Variants in FAT3 observed in about 807,000 individuals in gnomAD.
FAT3 encodes FAT atypical cadherin 3.
A neutral mutation model predicts 310.2 loss-of-function variants in FAT3; 95 were observed. That is an observed-to-expected ratio of 0.31 (90% CI 0.26 to 0.36). The LOEUF is 0.36. FAT3 is among the 10% of genes least tolerant of loss of function. The pLI is 1.00. For missense variants in FAT3, 5,408 were observed against 5,715.6 expected, an observed-to-expected ratio of 0.95 and a Z score of 1.74; for synonymous variants, 2,314 against 2,192.9, an observed-to-expected ratio of 1.06 and a Z score of -1.54.
At chr11:92,654,847 A>G (rs112271290) in intron 3 of FAT3, among the ~76,000 whole-genome samples, 13 of 152,268 alleles carry the variant, frequency 8.5e-5, no homozygotes, top group African/African-American at 2.9e-4. Context: ...ATCACCCAAC[A>G]ACAACTTCCT....
chr11:92,279,796 T>A (rs1306382048), intron 1 of FAT3, among the ~76,000 whole-genome samples: 2 of 152,150 alleles, frequency 1.3e-5, no homozygotes, highest in South Asian at 2.1e-4. Flanking sequence ...ACCTTCTGAC[T>A]GTATATTTGT....
At chr11:92,610,305 A>AT (rs1415057911) in intron 3 of FAT3, among the ~76,000 whole-genome samples, 1 of 152,166 alleles carries the variant, frequency 6.6e-6, no homozygotes, top group Non-Finnish European at 1.5e-5. Context: ...TTCTTTTTAA[A>AT]TTTTTTAGAC....
rs186145607 is a variant in FAT3, at chr11:92,894,943, C to T, written c.*3830C>T. 1 of 152,190 alleles carries T rather than the reference C, an allele frequency of 6.6e-6. No individual in the cohort carries two copies. Among genetic ancestry groups the T allele is most frequent in the African/African-American group, 2.4e-5 (1 of 41,442 alleles). The allele number at this position is 152,190 out of a possible 1,614,324, so 9.4% of individuals were successfully genotyped here. A position where few individuals can be genotyped will look rare whatever the true frequency, so the allele number is the denominator to read the frequency against. On this transcript the variant is annotated 3_prime_UTR_variant, in exon 28 of 28. Transcript: ENST00000525166. ...CTACTTACTTCCCACCCCACCCTAT[C>T]CACTACCCCCACTGATGCTATGTTT...
At chr11:92,646,312 T>C (rs924762791) in intron 3 of FAT3, among the ~76,000 whole-genome samples, 5 of 152,216 alleles carry the variant, frequency 3.3e-5, no homozygotes, top group African/African-American at 1.2e-4. Flanking sequence ...TGGCTTAGAA[T>C]TTCTACAACA....
chr11:92,637,409 C>T (rs1941803485), intron 3 of FAT3, among the ~76,000 whole-genome samples: 1 of 152,172 alleles, frequency 6.6e-6, no homozygotes, highest in Admixed American at 6.5e-5. Context: ...TTCATTTTTG[C>T]ACCATTTGTT....
chr11:92,275,326 C>T (rs963391169), intron 1 of FAT3, among the ~76,000 whole-genome samples: 1 of 152,066 alleles, frequency 6.6e-6, no homozygotes, highest in Admixed American at 6.6e-5. Context: ...TTACATTTAA[C>T]ACCTTTACCA....
chr11:92,480,987 A>G (rs1336586643), intron 2 of FAT3, among the ~76,000 whole-genome samples: 3 of 152,234 alleles, frequency 2.0e-5, no homozygotes, highest in Non-Finnish European at 4.4e-5. Context: ...TATAAATGAA[A>G]AGGTATCGTT....
Position 92,801,622 on chromosome 11 carries a change from G to C in FAT3, c.8609G>C (p.Ser2870Thr), listed in dbSNP as rs1219977395. Residue 2870 changes from serine (S) to threonine (T), a missense_variant, in exon 10 of 28, where the codon AGC becomes ACC. Ser to Thr is a moderately conservative substitution (Grantham distance 58). Coordinates refer to ENST00000525166, the MANE Select transcript of FAT3 (RefSeq NM_001367949.2). The part of the protein sequence containing the change: ...EKVMEAFNID[S>T]NTGWISTLKD... ...GTAATGGAAGCATTCAATATTGACA[G>C]CAACACGGGCTGGATCAGTACCTTG... is the stretch of plus-strand genomic sequence containing the variant. 1 of 1,613,528 alleles carries C rather than the reference G, an allele frequency of 6.2e-7. No individual in the cohort carries two copies. The highest frequency in any genetic ancestry group is 8.5e-7 in the Non-Finnish European group (1 of 1,179,724).
intron 1 of FAT3, among the ~76,000 whole-genome samples, chr11:92,298,689 T>C (rs763261660): frequency 6.6e-6 from 1 of 152,112 alleles, no homozygotes; most frequent in Non-Finnish European, 1.5e-5. Flanking sequence ...TGGTCGTTAA[T>C]CAACTTCCAA....
intron 19 of FAT3, among the ~76,000 whole-genome samples, chr11:92,846,012 C>G (rs1365149383): frequency 6.6e-6 from 1 of 152,168 alleles, no homozygotes; most frequent in African/African-American, 2.4e-5. Flanking sequence ...AAATTAGCTG[C>G]AAAGTAACTC....
intron 3 of FAT3, among the ~76,000 whole-genome samples, chr11:92,594,897 A>G (rs1395699627): frequency 1.3e-5 from 2 of 152,122 alleles, no homozygotes; most frequent in African/African-American, 4.8e-5. Context: ...TACGGGAGAA[A>G]AAAATGTATA....
intron 3 of FAT3, among the ~76,000 whole-genome samples, chr11:92,633,333 C>T (rs1361168224): frequency 1.3e-5 from 2 of 152,006 alleles, no homozygotes; most frequent in Admixed American, 6.6e-5. Flanking sequence ...TGGATGTCCC[C>T]AGATAACAGA....
chr11:92,553,808 C>G (rs553105136), intron 3 of FAT3, among the ~76,000 whole-genome samples: 253 of 143,608 alleles, frequency 1.8e-3, no homozygotes, highest in Non-Finnish European at 3.0e-3. Flanking sequence ...TTTTTTCTTT[C>G]TTTCTCTTTT....
intron 3 of FAT3, among the ~76,000 whole-genome samples, chr11:92,573,434 G>A (rs549222665): frequency 3.9e-5 from 6 of 152,196 alleles, no homozygotes; most frequent in African/African-American, 1.4e-4. Flanking sequence ...AGTCATTACC[G>A]GTTGTAGCGG....
At chr11:92,241,981 A>G (rs1224973847) in intron 1 of FAT3, among the ~76,000 whole-genome samples, 2 of 152,100 alleles carry the variant, frequency 1.3e-5, no homozygotes, top group African/African-American at 4.8e-5. Flanking sequence ...TGCTAACTCA[A>G]GGAAAGCACA....
chr11:92,882,809 G>C lies in FAT3; in HGVS notation c.12353G>C (p.Gly4118Ala), dbSNP rs1179401539. The C allele has an allele frequency of 6.2e-7, 1 of 1,611,818 alleles. No homozygotes were observed. ...GGAGGCTCCTGCGTGAACGTGTTCG[G>C]CTCCTTCCTCTGCAACTGCACGCCG... ...ENGGSCVNVF[G>A]SFLCNCTPGY... The change falls in exon 24 of 28, where the codon GGC (glycine) becomes GCC (alanine). Residue 4118 changes from glycine (G) to alanine (A), a missense_variant. This residue lies in a region of FAT3 where 649 missense variants were observed against 666.2 expected (regional missense o/e 0.97). Transcript: ENST00000525166.
At chr11:92,438,128 T>C (rs1172510925) in intron 2 of FAT3, among the ~76,000 whole-genome samples, 6 of 152,136 alleles carry the variant, frequency 3.9e-5, no homozygotes, top group African/African-American at 9.7e-5. Flanking sequence ...ATAATGTAAA[T>C]ATCTAAAAAG....
chr11:92,731,437 C>T (rs546247844), intron 4 of FAT3, among the ~76,000 whole-genome samples: 1 of 152,200 alleles, frequency 6.6e-6, no homozygotes, highest in African/African-American at 2.4e-5. Context: ...GAAATATGGA[C>T]CTAGATCAAC....
At chr11:92,458,226 T>C (rs1337595647) in intron 2 of FAT3, among the ~76,000 whole-genome samples, 2 of 152,216 alleles carry the variant, frequency 1.3e-5, no homozygotes, top group Non-Finnish European at 1.5e-5. Context: ...ATTTTTGCCC[T>C]GGAGACTTGC....
Sources: allele counts gnomAD v4.1 joint callset (sites outside exome capture counted in the v4.1 genomes callset), GRCh38; gene constraint gnomAD v4.1.1; regional missense constraint gnomAD v4.1.1; transcripts MANE v1.5; gene names NCBI Gene and HGNC (gene_info 2026-07-23, HGNC 2026-07-21).